The following EIF4G3 variants were observed in gnomAD, a reference collection of about 807,000 sequenced individuals.
EIF4G3 encodes the protein eukaryotic translation initiation factor 4 gamma 3, also known as eIF-4-gamma 3.
In EIF4G3, 34 loss-of-function variants were observed where a neutral mutation model predicts 186.4. The ratio of observed to expected loss-of-function variants is 0.18; its 90% CI spans 0.14 to 0.24. The LOEUF is 0.24. Among genes scored for constraint, EIF4G3 ranks in the 10% least tolerant of loss-of-function variants. The probability of loss-of-function intolerance (pLI) is 1.00; values close to 1 mark genes in which losing one functional copy is unlikely to be tolerated. For synonymous variants in EIF4G3, 673 were observed against 679.5 expected (o/e 0.99, Z 0.15); for missense variants, 1,536 against 1,948.5 (o/e 0.79, Z 3.99).
At chr1:20,989,081 G>GGGAGGGGAGGGGAGA (rs1553394543) in intron 7 of EIF4G3, among the ~76,000 whole-genome samples, 4 of 36,916 alleles carry the variant, frequency 1.1e-4, no homozygotes, top group East Asian at 1.3e-3. Context: ...GGGAGGGGAG[G>GGGAGGGGAGGGGAGA]GGAGAGGAGA....
At chr1:20,885,419 A>C (rs1167575527) in intron 19 of EIF4G3, among the ~76,000 whole-genome samples, 1 of 152,158 alleles carries the variant, frequency 6.6e-6, no homozygotes. Context: ...CAGAGTCAGG[A>C]CTCTGCCTCC....
intron 33 of EIF4G3, 26 bp downstream of exon 33, chr1:20,825,074 C>G: frequency 6.7e-7 from 1 of 1,494,344 alleles, no homozygotes; most frequent in Non-Finnish European, 9.2e-7. Context: ...TACTATCAAA[C>G]AGCAAAACAT....
At chr1:21,087,410 C>G (rs1056744709) in intron 3 of EIF4G3, among the ~76,000 whole-genome samples, 1 of 152,040 alleles carries the variant, frequency 6.6e-6, no homozygotes, top group East Asian at 1.9e-4. Flanking sequence ...ATCACTTGAG[C>G]CCAGGAATTT....
rs191938479 is a variant in EIF4G3 at position 20,997,387 on chromosome 1, A to C, written c.177+214T>G. 4.2e-4 allele frequency among the ~76,000 whole-genome samples: 64 copies of C among 152,330 alleles called. No individual in the cohort carries two copies. In the East Asian group the frequency reaches 0.012, roughly 28 times the overall value. Reference sequence around the variant, plus strand: ...AAAAAAAAAACTGTAGCATTTTTTAAATGTGCCATAAACAGAGGCAAATGG... The same window carrying C: ...AAAAAAAAAACTGTAGCATTTTTTACATGTGCCATAAACAGAGGCAAATGG... On this transcript the variant is annotated intron_variant, in intron 7 of 36. Transcript: ENST00000602326.
intron 29 of EIF4G3, among the ~76,000 whole-genome samples, chr1:20,843,960 T>C (rs1359841635): frequency 6.6e-6 from 1 of 152,218 alleles, no homozygotes; most frequent in African/African-American, 2.4e-5. Context: ...TCCAGCTCTA[T>C]CCATGTCCCT....
chr1:20,951,956 ATATG>A (rs1466970979), intron 12 of EIF4G3, among the ~76,000 whole-genome samples: 1 of 152,178 alleles, frequency 6.6e-6, no homozygotes, highest in Admixed American at 6.5e-5. Context: ...GAGTGAGATA[ATATG>A]TTTGTTAAGT....
Position 21,050,863 on chromosome 1 carries a change from T to C in EIF4G3, c.-67+3A>G, listed in dbSNP as rs762208156. The C allele has an allele frequency of 1.4e-6, 1 of 694,278 alleles. No homozygotes were observed. The highest frequency in any genetic ancestry group is 2.4e-5 in the Admixed American group (1 of 41,492). 43.0% of individuals were successfully genotyped at this position (694,278 alleles called of 1,614,324 possible). A position where few individuals can be genotyped will look rare whatever the true frequency, so the allele number is the denominator to read the frequency against. ...TTATTTTTTTAAAAAAGGTTTATCT[T>C]ACTTGAGAGAGTCCAGGGGACGATG... On this transcript the variant is annotated splice_donor_region_variant and intron_variant, in intron 4 of 36. Coordinates refer to ENST00000602326, the MANE Select transcript of EIF4G3 (RefSeq NM_001391906.1).
chr1:21,133,035 C>T (rs964337315), intron 2 of EIF4G3, among the ~76,000 whole-genome samples: 2 of 152,170 alleles, frequency 1.3e-5, no homozygotes, highest in African/African-American at 4.8e-5. Flanking sequence ...CCACCCACCT[C>T]GGCCTCCCCA....
At chr1:20,864,343 T>C in intron 22 of EIF4G3, 133 bp downstream of exon 22, 1 of 720,976 alleles carries the variant, frequency 1.4e-6, no homozygotes, top group Admixed American at 2.4e-5. Context: ...ACACTGACAA[T>C]GAGACGGGCA....
At chr1:21,168,209 G>A (rs1368104935) in intron 2 of EIF4G3, among the ~76,000 whole-genome samples, 1 of 152,016 alleles carries the variant, frequency 6.6e-6, no homozygotes, top group Non-Finnish European at 1.5e-5. Flanking sequence ...TTTGAGACCA[G>A]CCTGGCCAAC....
rs890164410 is a variant in EIF4G3 at position 20,899,791 on chromosome 1, A to G, written c.1905T>C (p.Asn635=). The part of the protein sequence containing the change: ...ENGEEAEPVR[N]GAESVSEGEG... The stretch of plus-strand genomic sequence containing the variant: ...CACCCTCAGAAACACTCTCAGCACC[A>G]TTACGTACTGGCTCAGCTTCTTCTC... Residue 635 remains asparagine (N), a synonymous_variant, in exon 16 of 37, where the codon AAT becomes AAC. Transcript: ENST00000602326. The G allele has an allele frequency of 1.2e-6, 2 of 1,614,010 alleles. No individual in the cohort carries two copies. Among genetic ancestry groups the G allele is most frequent in the Non-Finnish European group, 8.5e-7 (1 of 1,180,000 alleles).
intron 2 of EIF4G3, among the ~76,000 whole-genome samples, chr1:21,095,460 T>TACC (rs796075189): frequency 3.9e-5 from 6 of 152,222 alleles, no homozygotes; most frequent in African/African-American, 1.4e-4. Context: ...TACAGGTGTG[T>TACC]ACCATCGTGC....
At chr1:21,116,959 TA>T (rs1261746395) in intron 2 of EIF4G3, among the ~76,000 whole-genome samples, 1 of 152,036 alleles carries the variant, frequency 6.6e-6, no homozygotes, top group Non-Finnish European at 1.5e-5. Flanking sequence ...ATCACTTGCA[TA>T]AAAAAATGAA....
chr1:21,014,264 T>C (rs2088148405), intron 4 of EIF4G3, among the ~76,000 whole-genome samples: 1 of 152,236 alleles, frequency 6.6e-6, no homozygotes, highest in Admixed American at 6.5e-5. Context: ...ATTGTGGTTG[T>C]CTGGCCCAGT....
intron 16 of EIF4G3, among the ~76,000 whole-genome samples, chr1:20,897,868 AG>A (rs1472617006): frequency 6.6e-6 from 1 of 151,900 alleles, no homozygotes; most frequent in African/African-American, 2.4e-5. Context: ...ATGGATGAAA[AG>A]AATTAAAATA....
In EIF4G3 at chr1:20,969,599, A is replaced by G. The variant is rs766648710; in HGVS notation, c.592-3T>C. 2.5e-6 allele frequency: 4 copies of G among 1,612,692 alleles called. No individual in the cohort carries two copies. The South Asian group carries it at 3.3e-5, about 13-fold the overall frequency. On this transcript the variant is annotated splice_region_variant and splice_polypyrimidine_tract_variant and intron_variant, in intron 11 of 36. Coordinates refer to ENST00000602326, the MANE Select transcript of EIF4G3 (RefSeq NM_001391906.1). ...TGGTTTGGATCCCGAATTCTTATCT[A>G]TAAGGTTAAATAAAATGACATATGT...
At chr1:20,887,113 G>C (rs988100580) in intron 18 of EIF4G3, among the ~76,000 whole-genome samples, 8 of 151,992 alleles carry the variant, frequency 5.3e-5, no homozygotes, top group Non-Finnish European at 8.8e-5. Flanking sequence ...TAAATATTTG[G>C]GTTGATACTA....
intron 33 of EIF4G3, 44 bp from the exon 34 acceptor site, chr1:20,817,582 C>T: frequency 7.9e-7 from 1 of 1,269,000 alleles, no homozygotes; most frequent in South Asian, 2.0e-5. Context: ...TAATATAATT[C>T]TATGTTATTG....
rs12091817 is a variant in EIF4G3 at position 20,905,720 on chromosome 1, A to C, written c.1664-749T>G. 9.0e-3 allele frequency among the ~76,000 whole-genome samples: 1,375 copies of C among 152,336 alleles called. 26 individuals carry two copies. The highest frequency in any genetic ancestry group is 0.032 in the African/African-American group (1,321 of 41,576). ...AAGTGAAAGACATTTTAACCATCAG[A>C]TAGTAAGCTGATGATATTAAACTGC... On this transcript the variant is annotated intron_variant, in intron 14 of 36. Coordinates refer to ENST00000602326, the MANE Select transcript of EIF4G3 (RefSeq NM_001391906.1).
Sources: allele counts gnomAD v4.1 joint callset (sites outside exome capture counted in the v4.1 genomes callset), GRCh38; gene constraint gnomAD v4.1.1; transcripts MANE v1.5; gene names NCBI Gene and HGNC (gene_info 2026-07-23, HGNC 2026-07-21).